MIDEAS: variants seen among roughly 807,000 people sequenced by gnomAD.
MIDEAS encodes mitotic deacetylase associated SANT domain protein.
MIDEAS carries 26 observed loss-of-function variants against 102.7 expected under a neutral mutation model. The observed-to-expected ratio is 0.25, with a 90% CI of 0.19 to 0.35. The LOEUF is 0.35. MIDEAS is among the 10% of genes least tolerant of loss of function. MIDEAS has a pLI of 1.00. For missense variants in MIDEAS, 1,231 were observed against 1,435.6 expected, an observed-to-expected ratio of 0.86 and a Z score of 2.30; for synonymous variants, 585 against 591.0, an observed-to-expected ratio of 0.99 and a Z score of 0.15.
At chr14:73,786,890 A>T (rs1232199636) in intron 1 of MIDEAS, among the ~76,000 whole-genome samples, 1 of 152,028 alleles carries the variant, frequency 6.6e-6, no homozygotes, top group Non-Finnish European at 1.5e-5. Flanking sequence ...TGCTGTTTGA[A>T]GTCCCGCGGC....
At chr14:73,767,873 C>T (rs1362298735) in intron 1 of MIDEAS, among the ~76,000 whole-genome samples, 6 of 152,068 alleles carry the variant, frequency 3.9e-5, no homozygotes, top group Non-Finnish European at 7.4e-5. Context: ...AAATGCCTGA[C>T]ATTGGCCTGG....
chr14:73,737,175 G>A lies in MIDEAS; in HGVS notation c.1572C>T (p.Pro524=), dbSNP rs2053212352. 1.9e-6 allele frequency: 3 copies of A among 1,613,972 alleles called. No individual in the cohort carries two copies. The South Asian group carries it at 3.3e-5, about 18-fold the overall frequency. ...CAGGCACAGACACTGGGATGATGAGGGGTACCATCCCACTGTCTTCTCGTG... is the reference window on the plus strand; with the variant it reads ...CAGGCACAGACACTGGGATGATGAGAGGTACCATCCCACTGTCTTCTCGTG... ...KRAREDSGMV[P]LIIPVSVPVR... is the part of the protein sequence containing the mutation. Residue 524 remains proline, a synonymous_variant, in exon 3 of 13, where the codon CCC becomes CCT. Coordinates refer to ENST00000423556, the MANE Select transcript of MIDEAS (RefSeq NM_001367710.1).
rs1157534514 is a variant in MIDEAS, at chr14:73,727,445, G to A, written c.2162+13C>T. 7.4e-6 allele frequency: 12 copies of A among 1,613,868 alleles called. No individual in the cohort carries two copies. Among genetic ancestry groups the A allele is most frequent in the Non-Finnish European group, 1.0e-5 (12 of 1,179,990 alleles). ...CACCCACACCCCTCGGCCAGGGGCA[G>A]GGCTGCACTTACGGCTCGATGCTCA... On this transcript the variant is annotated intron_variant, in intron 5 of 12. Coordinates refer to ENST00000423556, the MANE Select transcript of MIDEAS (RefSeq NM_001367710.1).
intron 1 of MIDEAS, among the ~76,000 whole-genome samples, chr14:73,779,296 G>A (rs2053723346): frequency 6.6e-6 from 1 of 150,402 alleles, no homozygotes; most frequent in African/African-American, 2.4e-5. Context: ...TCAGGAGGGT[G>A]AGGGAGGAGA....
intron 1 of MIDEAS, among the ~76,000 whole-genome samples, chr14:73,777,076 T>A (rs7152938): frequency 0.057 from 8,292 of 145,416 alleles, 445 homozygotes; most frequent in African/African-American, 0.14. Context: ...TCAAAAAAAA[T>A]AAATAAATAA....
chr14:73,723,713 C>T (rs1013296463), intron 9 of MIDEAS: 2 of 152,208 alleles, frequency 1.3e-5, no homozygotes, highest in African/African-American at 4.8e-5. Context: ...GATGGGTGTT[C>T]ATTCTACTGT....
intron 1 of MIDEAS, among the ~76,000 whole-genome samples, chr14:73,784,538 T>C (rs1198388986): frequency 6.6e-6 from 1 of 152,294 alleles, no homozygotes; most frequent in East Asian, 1.9e-4. Flanking sequence ...TTTTAGTCTC[T>C]GTAAATTCTA....
At chr14:73,755,184 G>A (rs1566601067) in intron 1 of MIDEAS, among the ~76,000 whole-genome samples, 1 of 152,178 alleles carries the variant, frequency 6.6e-6, no homozygotes, top group Non-Finnish European at 1.5e-5. Context: ...ACAGCACGAG[G>A]CTGTGTTCCA....
Position 73,726,030 on chromosome 14 carries a change from C to T in MIDEAS, c.2485+3G>A, listed in dbSNP as rs371281777. On this transcript the variant is annotated splice_donor_region_variant and intron_variant, in intron 8 of 12. Coordinates refer to ENST00000423556, the MANE Select transcript of MIDEAS (RefSeq NM_001367710.1). The stretch of plus-strand genomic sequence containing the variant: ...GCACCATGCCCACCGCAGCCAGGCC[C>T]ACCTGTGTAGTGATAAGTTGCCAGC... The T allele has an allele frequency of 3.0e-5, 47 of 1,590,290 alleles. No individual in the cohort carries two copies. The African/African-American group carries it at 5.4e-4, about 18-fold the overall frequency.
intron 1 of MIDEAS, among the ~76,000 whole-genome samples, chr14:73,746,452 G>A (rs2053352210): frequency 6.6e-6 from 1 of 152,222 alleles, no homozygotes; most frequent in Non-Finnish European, 1.5e-5. Context: ...CAGGAGTAGG[G>A]TAGAAGCAGG....
intron 1 of MIDEAS, among the ~76,000 whole-genome samples, chr14:73,768,079 G>T (rs1004567159): frequency 6.6e-6 from 1 of 152,182 alleles, no homozygotes; most frequent in African/African-American, 2.4e-5. Context: ...AGAATCGCTT[G>T]AGCCCAGGAG....
At position 73,739,534 on chromosome 14, in the gene MIDEAS, A is replaced by C; in HGVS notation, c.475T>G (p.Tyr159Asp). The C allele has an allele frequency of 6.2e-7, 1 of 1,614,078 alleles. No homozygotes were observed. Among genetic ancestry groups the C allele is most frequent in the Non-Finnish European group, 8.5e-7 (1 of 1,179,966 alleles). ...CGCTTCAGTGCCTCAGGGTGGTTAT[A>C]GTAAGTCGGGACTCCCACTCCAGGA... is the stretch of plus-strand genomic sequence containing the variant. ...PHPGVGVPTYYNHPEALKREK... is the reference protein window; with the variant it reads ...PHPGVGVPTYDNHPEALKREK... Residue 159 changes from tyrosine (Y) to aspartate (D), a missense_variant, in exon 2 of 13, where the codon TAT becomes GAT. Transcript: ENST00000423556.
At chr14:73,728,368 T>TCCC (rs936520153) in intron 4 of MIDEAS, 3 of 150,966 alleles carry the variant, frequency 2.0e-5, no homozygotes, top group African/African-American at 7.4e-5. Flanking sequence ...CATTTGTACC[T>TCCC]CCCACCACCC....
At position 73,738,962 on chromosome 14, in the gene MIDEAS, G is replaced by A. The variant is rs769333564; in HGVS notation, c.1047C>T (p.Leu349=). 1.5e-5 allele frequency: 23 copies of A among 1,532,736 alleles called. No homozygotes were observed. In the Admixed American group the frequency reaches 1.7e-4, roughly 11 times the overall value. The allele number at this position is 1,532,736 out of a possible 1,614,324, so 94.9% of individuals were successfully genotyped here. A position where few individuals can be genotyped will look rare whatever the true frequency, so the allele number is the denominator to read the frequency against. Residue 349 remains leucine (L), a synonymous_variant, in exon 2 of 13, where the codon CTC becomes CTT. Coordinates refer to ENST00000423556, the MANE Select transcript of MIDEAS (RefSeq NM_001367710.1). ...TGGGAGGCAGGATACCCTCCTTAGA[G>A]AGGCGGCGGGAGCGGCGGGGGAAGG... The part of the protein sequence containing the change: ...QIPFPRRSRR[L]SKEGILPPSA...
At chr14:73,720,325 G>A (rs1233086306) in intron 11 of MIDEAS, among the ~76,000 whole-genome samples, 1 of 138,576 alleles carries the variant, frequency 7.2e-6, no homozygotes, top group Non-Finnish European at 1.5e-5. Context: ...TGCAACCTCC[G>A]CCTCCTCCAC....
rs753662539 is a variant in MIDEAS at position 73,715,489 on chromosome 14, GCT to G, written c.*3352_*3353del. ...TACAGACTGTCAAGGCTGTTCCTGT[GCT>G]CTGTCCCCTCCAACAAAGCCTTCAA... On this transcript the variant is annotated 3_prime_UTR_variant, in exon 13 of 13. Coordinates refer to ENST00000423556, the MANE Select transcript of MIDEAS (RefSeq NM_001367710.1). The G allele has an allele frequency of 3.3e-5, 5 of 152,466 alleles. No homozygotes were observed. Among genetic ancestry groups the G allele is most frequent in the African/African-American group, 4.8e-5 (2 of 41,426 alleles). The allele number at this position is 152,466 out of a possible 1,614,324, so 9.4% of individuals were successfully genotyped here.
intron 4 of MIDEAS, 162 bp from the exon 5 acceptor site, chr14:73,727,686 G>T: frequency 1.4e-5 from 9 of 623,498 alleles, no homozygotes; most frequent in Non-Finnish European, 2.4e-5. Flanking sequence ...TGTCACCTAC[G>T]AAAACGCAGG....
intron 1 of MIDEAS, among the ~76,000 whole-genome samples, chr14:73,783,426 G>C (rs1355410242): frequency 6.6e-6 from 1 of 152,178 alleles, no homozygotes; most frequent in Non-Finnish European, 1.5e-5. Flanking sequence ...CACAGAGTGG[G>C]TCACCGGGTC....
rs1379215565 is a variant in MIDEAS at position 73,717,155 on chromosome 14, TACTG to T, written c.*1684_*1687del. On this transcript the variant is annotated 3_prime_UTR_variant, in exon 13 of 13. Transcript: ENST00000423556. ...ACAAAACTCCCTCTCCACTCCCAGT[TACTG>T]ACATGATGCTTCTTGGCTATCTCAT... is the stretch of plus-strand genomic sequence containing the variant. 1 of 152,268 alleles carries T rather than the reference TACTG, an allele frequency of 6.6e-6. No homozygotes were observed. The highest frequency in any genetic ancestry group is 1.5e-5 in the Non-Finnish European group (1 of 68,056). 9.4% of individuals were successfully genotyped at this position (152,268 alleles called of 1,614,324 possible). A position where few individuals can be genotyped will look rare whatever the true frequency, so the allele number is the denominator to read the frequency against.
Sources: gnomAD v4.1 joint callset for allele counts (sites outside exome capture counted in the v4.1 genomes callset) on GRCh38, gnomAD v4.1.1 for gene constraint, MANE v1.5 for transcripts, NCBI Gene and HGNC (gene_info 2026-07-23, HGNC 2026-07-21) for gene names.